GPC6: variants seen among roughly 807,000 people sequenced by gnomAD.
The protein encoded by GPC6 is glypican 6.
A neutral mutation model predicts 55.2 loss-of-function variants in GPC6; 14 were observed. That is an observed-to-expected ratio of 0.25 (90% confidence interval 0.17 to 0.40). The LOEUF is 0.40. Among genes scored for constraint, GPC6 ranks in the 10% least tolerant of loss-of-function variants. The pLI, the probability that GPC6 is intolerant of heterozygous loss-of-function variation, is 1.00. For missense variants in GPC6, 641 were observed against 708.5 expected (o/e 0.90, Z 1.08); for synonymous variants, 278 against 259.6 (o/e 1.07, Z -0.68).
At chr13:93,361,783 GA>G (rs1881050599) in intron 1 of GPC6, among the ~76,000 whole-genome samples, 2 of 152,212 alleles carry the variant, frequency 1.3e-5, no homozygotes, top group Admixed American at 6.5e-5. Flanking sequence ...TGGTTAGGCA[GA>G]AAAAAACCTG....
At chr13:93,341,913 TTTTC>T (rs918446328) in intron 1 of GPC6, among the ~76,000 whole-genome samples, 1 of 151,620 alleles carries the variant, frequency 6.6e-6, no homozygotes, top group African/African-American at 2.4e-5. Flanking sequence ...TTAACTTTTT[TTTTC>T]TTTCTTTTTT....
chr13:93,287,805 G>C (rs9589705), intron 1 of GPC6, among the ~76,000 whole-genome samples: 2 of 152,014 alleles, frequency 1.3e-5, no homozygotes, highest in Non-Finnish European at 2.9e-5. Flanking sequence ...TTGCAAATGC[G>C]TTAGAAGTTT....
At chr13:93,686,918 T>C (rs1882070865) in intron 2 of GPC6, among the ~76,000 whole-genome samples, 1 of 152,072 alleles carries the variant, frequency 6.6e-6, no homozygotes, top group Non-Finnish European at 1.5e-5. Flanking sequence ...GAGCTGAACA[T>C]TTTTATATGG....
intron 4 of GPC6, among the ~76,000 whole-genome samples, chr13:94,150,607 G>A (rs186775094): frequency 2.0e-5 from 3 of 151,660 alleles, no homozygotes; most frequent in African/African-American, 7.3e-5. Context: ...TCTGCTCTCT[G>A]TCCTCTTTCT....
intron 3 of GPC6, among the ~76,000 whole-genome samples, chr13:93,843,855 C>T (rs1340266521): frequency 6.6e-6 from 1 of 152,056 alleles, no homozygotes; most frequent in African/African-American, 2.4e-5. Flanking sequence ...GTGCTTAGCT[C>T]CTTTGTTCAT....
intron 6 of GPC6, among the ~76,000 whole-genome samples, chr13:94,335,100 A>G (rs966849145): frequency 1.3e-5 from 2 of 152,180 alleles, no homozygotes; most frequent in African/African-American, 2.4e-5. Flanking sequence ...TACTAAGCAT[A>G]ATCTAGAAAG....
At chr13:93,768,612 A>G (rs1214408004) in intron 2 of GPC6, among the ~76,000 whole-genome samples, 1 of 152,194 alleles carries the variant, frequency 6.6e-6, no homozygotes, top group African/African-American at 2.4e-5. Flanking sequence ...ACAAGGCATG[A>G]GTAAAAGTGT....
intron 4 of GPC6, among the ~76,000 whole-genome samples, chr13:94,247,685 G>A (rs1891236987): frequency 6.6e-6 from 1 of 152,110 alleles, no homozygotes. Context: ...AGCCTTGCAT[G>A]TTTGGGGGTA....
chr13:93,402,726 C>A (rs1205960926), intron 1 of GPC6, among the ~76,000 whole-genome samples: 1 of 152,128 alleles, frequency 6.6e-6, no homozygotes, highest in Non-Finnish European at 1.5e-5. Context: ...CCTTTCCCTC[C>A]TGGTCTATTC....
chr13:94,236,603 G>A (rs555621852), intron 4 of GPC6, among the ~76,000 whole-genome samples: 131 of 152,238 alleles, frequency 8.6e-4, no homozygotes, highest in African/African-American at 2.8e-3. Flanking sequence ...TATAAACCAA[G>A]GTGAGGCGAT....
intron 4 of GPC6, among the ~76,000 whole-genome samples, chr13:94,043,625 C>G (rs1379937194): frequency 1.3e-5 from 2 of 151,598 alleles, no homozygotes; most frequent in African/African-American, 4.8e-5. Context: ...AGCTGAACAC[C>G]ACAAAGTTCA....
intron 4 of GPC6, among the ~76,000 whole-genome samples, chr13:94,271,367 C>T (rs903749685): frequency 4.6e-5 from 3 of 65,214 alleles, no homozygotes; most frequent in African/African-American, 1.5e-4. Context: ...CACACACACA[C>T]GCGCGCGCGC....
At chr13:93,798,683 C>T (rs540256448) in intron 2 of GPC6, among the ~76,000 whole-genome samples, 3 of 152,086 alleles carry the variant, frequency 2.0e-5, no homozygotes, top group Non-Finnish European at 4.4e-5. Flanking sequence ...CTTTGGGAGG[C>T]TGAGGCAGGC....
At chr13:93,869,850 A>T (rs1016887452) in intron 3 of GPC6, among the ~76,000 whole-genome samples, 5 of 151,310 alleles carry the variant, frequency 3.3e-5, no homozygotes, top group Non-Finnish European at 7.4e-5. Context: ...AATGAAAGAG[A>T]TAAGGAAATG....
intron 3 of GPC6, among the ~76,000 whole-genome samples, chr13:93,995,025 T>C (rs1881473797): frequency 6.6e-6 from 1 of 152,160 alleles, no homozygotes; most frequent in Non-Finnish European, 1.5e-5. Flanking sequence ...CTGATTTCAG[T>C]TTGTTAGAAC....
In GPC6 at chr13:94,081,844, C is replaced by CTTTTTTTTTTTTTTTTTT. The variant is rs201141414; in HGVS notation, c.877+53964_877+53965insTTTTTTTTTTTTTTTTTT. Among the ~76,000 whole-genome samples the CTTTTTTTTTTTTTTTTTT allele has an allele frequency of 2.6e-4, 34 of 132,994 alleles. 1 individual carries two copies. Among genetic ancestry groups the CTTTTTTTTTTTTTTTTTT allele is most frequent in the African/African-American group, 8.7e-4 (31 of 35,544 alleles). 87.2% of individuals were successfully genotyped at this position (132,994 alleles called of 152,430 possible). A position where few individuals can be genotyped will look rare whatever the true frequency, so the allele number is the denominator to read the frequency against. On this transcript the variant is annotated intron_variant, in intron 4 of 8. Coordinates refer to ENST00000377047, the MANE Select transcript of GPC6 (RefSeq NM_005708.5). ...CATGTCTATGCCTTCTACTACTTTC[C>CTTTTTTTTTTTTTTTTTT]TTTTTTTTTTTTTTGAGACACAGTC...
upstream of GPC6, among the ~76,000 whole-genome samples, chr13:93,223,630 G>A (rs1020420527): frequency 1.3e-5 from 2 of 152,028 alleles, no homozygotes; most frequent in Admixed American, 1.3e-4. Flanking sequence ...TTTTAGTAGA[G>A]AAGGGGTTTC....
Position 93,241,287 on chromosome 13 carries a change from T to G in GPC6, c.160+13671T>G, listed in dbSNP as rs111846001. Among the ~76,000 whole-genome samples the G allele has an allele frequency of 6.4e-3, 978 of 152,352 alleles. 7 individuals carry two copies. The highest frequency in any genetic ancestry group is 0.022 in the African/African-American group (932 of 41,586). ...TCAGGAATACCTATGATTATAGGGTTTGGATGTTTTAGAGAATCCCATATT... is the reference window on the plus strand; with the variant it reads ...TCAGGAATACCTATGATTATAGGGTGTGGATGTTTTAGAGAATCCCATATT... On this transcript the variant is annotated intron_variant, in intron 1 of 8. Transcript: ENST00000377047.
chr13:93,744,574 A>G (rs1452173549), intron 2 of GPC6, among the ~76,000 whole-genome samples: 3 of 117,144 alleles, frequency 2.6e-5, no homozygotes, highest in African/African-American at 3.4e-5. Context: ...CAATTCCTCC[A>G]CTTTTATAAG....
Sources: gnomAD v4.1 joint callset for allele counts (sites outside exome capture counted in the v4.1 genomes callset) on GRCh38, gnomAD v4.1.1 for gene constraint, MANE v1.5 for transcripts, NCBI Gene and HGNC (gene_info 2026-07-23, HGNC 2026-07-21) for gene names.